The following AFF2 variants were observed in gnomAD, a reference collection of about 807,000 sequenced individuals.
AFF2 encodes AF4/FMR2 family member 2.
In AFF2, 14 loss-of-function variants were observed where a neutral mutation model predicts 76.9. The ratio of observed to expected loss-of-function variants is 0.18; its 90% CI spans 0.12 to 0.28. The LOEUF is 0.28. Among genes scored for constraint, AFF2 ranks in the 10% least tolerant of loss-of-function variants. The pLI, the probability that AFF2 is intolerant of heterozygous loss-of-function variation, is 1.00. For missense variants in AFF2, 868 were observed against 1,001.1 expected, an observed-to-expected ratio of 0.87 and a Z score of 1.79; for synonymous variants, 398 against 366.7, an observed-to-expected ratio of 1.09 and a Z score of -0.98.
intron 9 of AFF2, among the ~76,000 whole-genome samples, chrX:148,916,281 C>T: frequency 1.0e-5 from 1 of 96,311 alleles, no homozygotes; most frequent in Admixed American, 1.2e-4. Context: ...GCGATCTCGG[C>T]TCACTGCAAG....
rs193128631 is a variant in AFF2, at chrX:148,641,797, C to G, written c.48-10202C>G. On this transcript the variant is annotated intron_variant, in intron 1 of 20. Transcript: ENST00000370460. ...GTATCACTGTGATCTCTGCCTTTAC[C>G]TTCACATAGAGTTCTCTCTGGGTTT... is the stretch of plus-strand genomic sequence containing the variant. 1.0e-3 allele frequency among the ~76,000 whole-genome samples: 117 copies of G among 111,754 alleles called. 1 individual carries two copies. The highest frequency in any genetic ancestry group is 2.0e-3 in the Non-Finnish European group (104 of 53,120).
chrX:148,607,633 T>C (rs893726927), intron 1 of AFF2, among the ~76,000 whole-genome samples: 1 of 111,750 alleles, frequency 8.9e-6, no homozygotes, highest in African/African-American at 3.3e-5. Context: ...ATACAGTCTA[T>C]CTACATTAGA....
rs782463928 is a variant in AFF2, at chrX:148,992,943, T to C, written c.*1611T>C. 4 of 112,739 alleles carry C rather than the reference T, an allele frequency of 3.5e-5. No homozygotes were observed. The South Asian group carries it at 1.5e-3, about 42-fold the overall frequency. 9.3% of individuals were successfully genotyped at this position (112,739 alleles called of 1,213,427 possible). A position where few individuals can be genotyped will look rare whatever the true frequency, so the allele number is the denominator to read the frequency against. ...CACTGAGTTATGACCAGATAAATAA[T>C]AGATATGCACATGAAAGATGCAAAC... On this transcript the variant is annotated 3_prime_UTR_variant, in exon 21 of 21. Transcript: ENST00000370460.
intron 1 of AFF2, among the ~76,000 whole-genome samples, chrX:148,599,623 G>T (rs189749597): frequency 7.2e-5 from 8 of 111,394 alleles, no homozygotes; most frequent in African/African-American, 9.8e-5. Flanking sequence ...AGCTTATCTC[G>T]GGTTCACAGC....
chrX:148,921,375 C>T (rs1042838402), intron 9 of AFF2, among the ~76,000 whole-genome samples: 1 of 112,164 alleles, frequency 8.9e-6, no homozygotes, highest in South Asian at 3.7e-4. Context: ...TCTCTCACCC[C>T]CCAAGGGAGC....
chrX:148,570,851 C>G (rs1334410222), intron 1 of AFF2, among the ~76,000 whole-genome samples: 1 of 110,633 alleles, frequency 9.0e-6, no homozygotes, highest in Non-Finnish European at 1.9e-5. Flanking sequence ...CTTTACATGG[C>G]CATCTTCTTC....
At chrX:148,878,610 G>C (rs1557278142) in intron 7 of AFF2, among the ~76,000 whole-genome samples, 1 of 111,682 alleles carries the variant, frequency 9.0e-6, no homozygotes, top group Admixed American at 9.5e-5. Context: ...AAGATGACTT[G>C]TACCGCCCTA....
At position 148,747,397 on chromosome X, in the gene AFF2, G is replaced by A. The variant is rs189702892; in HGVS notation, c.1042-62479G>A. Among the ~76,000 whole-genome samples, 4 of 111,201 alleles carry A rather than the reference G, an allele frequency of 3.6e-5. No homozygotes were observed. The East Asian group carries it at 1.1e-3, about 31-fold the overall frequency. On this transcript the variant is annotated intron_variant, in intron 3 of 20. Coordinates refer to ENST00000370460, the MANE Select transcript of AFF2 (RefSeq NM_002025.4). ...ATTATGCCCATTAAAACTCTATGAA[G>A]GATACAGGTACAACCTTGAGCACTC...
intron 1 of AFF2, among the ~76,000 whole-genome samples, chrX:148,530,193 C>G (rs1259306373): frequency 9.0e-6 from 1 of 111,307 alleles, no homozygotes; most frequent in Non-Finnish European, 1.9e-5. Context: ...ATTGAGCACC[C>G]AAGAAATGTT....
chrX:148,756,246 A>C (rs1191811968), intron 3 of AFF2, among the ~76,000 whole-genome samples: 1 of 112,718 alleles, frequency 8.9e-6, no homozygotes, highest in African/African-American at 3.2e-5. Flanking sequence ...GCTATGCTGT[A>C]TATGTGCTAA....
intron 1 of AFF2, among the ~76,000 whole-genome samples, chrX:148,588,463 A>G (rs2053490735): frequency 8.9e-6 from 1 of 112,457 alleles, no homozygotes; most frequent in Admixed American, 9.4e-5. Flanking sequence ...CTGATTCATG[A>G]ATCCTGGATT....
At chrX:148,609,765 G>A (rs1364352425) in intron 1 of AFF2, among the ~76,000 whole-genome samples, 2 of 111,437 alleles carry the variant, frequency 1.8e-5, no homozygotes, top group Non-Finnish European at 3.8e-5. Context: ...CATTGGATAT[G>A]GTCCTGGTGA....
chrX:148,953,936 C>T, intron 10 of AFF2, among the ~76,000 whole-genome samples, 197 bp downstream of exon 10: 1 of 112,523 alleles, frequency 8.9e-6, no homozygotes, highest in Middle Eastern at 4.6e-3. Flanking sequence ...TTCACATACT[C>T]CTAACATGCA....
intron 3 of AFF2, among the ~76,000 whole-genome samples, chrX:148,779,273 G>A (rs782248817): frequency 3.6e-5 from 4 of 111,426 alleles, no homozygotes; most frequent in Non-Finnish European, 5.7e-5. Context: ...TTATGTGGTC[G>A]ATTTTAGAAT....
chrX:148,968,671 C>A (rs1289721743), intron 15 of AFF2, among the ~76,000 whole-genome samples: 2 of 112,374 alleles, frequency 1.8e-5, no homozygotes, highest in African/African-American at 6.5e-5. Context: ...ATGGTCCTTA[C>A]ATCTGCCTTT....
intron 9 of AFF2, among the ~76,000 whole-genome samples, chrX:148,910,917 A>G (rs1269082582): frequency 1.8e-5 from 2 of 111,710 alleles, no homozygotes; most frequent in Non-Finnish European, 3.8e-5. Context: ...ATGAAATTGC[A>G]TGCGTCAACT....
At chrX:148,847,244 A>T (rs1390756495) in intron 7 of AFF2, among the ~76,000 whole-genome samples, 1 of 112,173 alleles carries the variant, frequency 8.9e-6, no homozygotes, top group Non-Finnish European at 1.9e-5. Context: ...CATCATACAT[A>T]GGAATAGATA....
chrX:148,594,740 G>A (rs1395900133), intron 1 of AFF2, among the ~76,000 whole-genome samples: 1 of 111,579 alleles, frequency 9.0e-6, no homozygotes, highest in African/African-American at 3.3e-5. Flanking sequence ...GAGTGAAGAG[G>A]GTATAAAATA....
At chrX:148,852,409 T>TC (rs1491530668) in intron 7 of AFF2, among the ~76,000 whole-genome samples, 1 of 99,303 alleles carries the variant, frequency 1.0e-5, no homozygotes, top group Non-Finnish European at 2.0e-5. Flanking sequence ...TTTTTTTTTT[T>TC]ACTTTTAAAT....
Sources: gnomAD v4.1 joint callset for allele counts (sites outside exome capture counted in the v4.1 genomes callset) on GRCh38, gnomAD v4.1.1 for gene constraint, MANE v1.5 for transcripts, NCBI Gene and HGNC (gene_info 2026-07-23, HGNC 2026-07-21) for gene names.